Variants in WARS2 observed in about 807,000 individuals in gnomAD.
WARS2 encodes tryptophanyl tRNA synthetase 2, mitochondrial.
WARS2 carries 28 observed loss-of-function variants against 36.5 expected under a neutral mutation model. The ratio of observed to expected loss-of-function variants is 0.77; its 90% CI spans 0.57 to 1.05. WARS2 has a LOEUF of 1.05. Among genes scored for constraint, WARS2 ranks in the 50% least tolerant of loss-of-function variants. WARS2 has a pLI of 0.00. For synonymous variants in WARS2, 174 were observed against 178.4 expected, an observed-to-expected ratio of 0.98 and a Z score of 0.20; for missense variants, 435 against 456.8, an observed-to-expected ratio of 0.95 and a Z score of 0.44.
chr1:119,037,888 G>A (rs929831217), intron 4 of WARS2, among the ~76,000 whole-genome samples: 13 of 152,112 alleles, frequency 8.5e-5, no homozygotes, highest in African/African-American at 3.1e-4. Context: ...CATCATCATG[G>A]CCCATATTAG....
At chr1:119,088,645 C>T (rs991310686) in intron 1 of WARS2, among the ~76,000 whole-genome samples, 2 of 152,158 alleles carry the variant, frequency 1.3e-5, no homozygotes, top group Non-Finnish European at 2.9e-5. Context: ...ACGCTGTGGT[C>T]GTAGCCTCTA....
upstream of WARS2, chr1:119,140,672 G>T (rs763811903): frequency 6.2e-7 from 1 of 1,602,318 alleles, no homozygotes; most frequent in Non-Finnish European, 8.5e-7. Context: ...CGTCTTGTTT[G>T]GAATGACGTC....
chr1:119,109,059 C>T (rs587697476), intron 1 of WARS2, among the ~76,000 whole-genome samples: 19 of 152,030 alleles, frequency 1.2e-4, no homozygotes, highest in African/African-American at 4.3e-4. Context: ...TAGTTTAATT[C>T]CATATGGTCT....
rs74606321 is a variant in WARS2 at position 119,088,478 on chromosome 1, A to T, written c.91-11871T>A. Reference sequence around the variant, plus strand: ...CACACACACACACACAAATAAAAGGACTAAAAATGTGAAGAGTAAGTTCAC... The same window carrying T: ...CACACACACACACACAAATAAAAGGTCTAAAAATGTGAAGAGTAAGTTCAC... On this transcript the variant is annotated intron_variant, in intron 1 of 5. Coordinates refer to ENST00000235521, the MANE Select transcript of WARS2 (RefSeq NM_015836.4). Among the ~76,000 whole-genome samples, 370 of 152,060 alleles carry T rather than the reference A, an allele frequency of 2.4e-3. 2 individuals carry two copies. The highest frequency in any genetic ancestry group is 8.3e-3 in the African/African-American group (346 of 41,480).
At chr1:119,103,493 T>C (rs2101467697) in intron 1 of WARS2, among the ~76,000 whole-genome samples, 1 of 152,276 alleles carries the variant, frequency 6.6e-6, no homozygotes, top group South Asian at 2.1e-4. Flanking sequence ...AATTATCATA[T>C]GCCACTGACC....
chr1:119,038,813 TG>T (rs976570274), intron 4 of WARS2, among the ~76,000 whole-genome samples: 3 of 152,166 alleles, frequency 2.0e-5, no homozygotes, highest in Non-Finnish European at 4.4e-5. Flanking sequence ...CCCGAGTAGC[TG>T]GGACTACAGG....
rs1654606128 is a variant in WARS2, at chr1:119,111,183, G to C, written c.90+29372C>G. Among the ~76,000 whole-genome samples, 7 of 152,130 alleles carry C rather than the reference G, an allele frequency of 4.6e-5. No homozygotes were observed. In the South Asian group the frequency reaches 1.4e-3, roughly 32 times the overall value. On this transcript the variant is annotated intron_variant, in intron 1 of 5. Transcript: ENST00000235521. ...TTCAAATTGTGTTTTTTACTGGTTA[G>C]TATGTCTTGTAACTTTTTGTTCAAA...
Position 119,039,050 on chromosome 1 carries a change from A to G in WARS2, c.515+3214T>C, listed in dbSNP as rs188641852. Among the ~76,000 whole-genome samples, 388 of 152,290 alleles carry G rather than the reference A, an allele frequency of 2.5e-3. 2 individuals carry two copies. The highest frequency in any genetic ancestry group is 6.8e-3 in the Middle Eastern group (2 of 294). ...GAGAAAGATAATCTGATTAGCCCAG[A>G]TACTCACTTTCATCTCTATCTGAAT... is the stretch of plus-strand genomic sequence containing the variant. On this transcript the variant is annotated intron_variant, in intron 4 of 5. Coordinates refer to ENST00000235521, the MANE Select transcript of WARS2 (RefSeq NM_015836.4).
At chr1:119,075,741 G>C (rs1037897664) in intron 2 of WARS2, among the ~76,000 whole-genome samples, 1 of 152,186 alleles carries the variant, frequency 6.6e-6, no homozygotes, top group Non-Finnish European at 1.5e-5. Context: ...CAGACTATCG[G>C]CCTGTCCAAG....
At chr1:119,117,284 G>A (rs778822020) in intron 1 of WARS2, among the ~76,000 whole-genome samples, 4 of 152,148 alleles carry the variant, frequency 2.6e-5, no homozygotes, top group Non-Finnish European at 5.9e-5. Flanking sequence ...CCCCACCTAA[G>A]GAGAGTCTGA....
chr1:119,096,139 C>A (rs1388811754), intron 1 of WARS2, among the ~76,000 whole-genome samples: 1 of 152,108 alleles, frequency 6.6e-6, no homozygotes, highest in African/African-American at 2.4e-5. Context: ...CTTTCCTTTC[C>A]TGATTGCTTA....
chr1:119,063,907 C>CA (rs1244262970), intron 2 of WARS2: 6 of 152,230 alleles, frequency 3.9e-5, no homozygotes, highest in Non-Finnish European at 7.3e-5. Context: ...GGAGCCCCCA[C>CA]ACAGTGTACC....
chr1:119,107,887 A>G (rs977680844), intron 1 of WARS2, among the ~76,000 whole-genome samples: 1 of 151,998 alleles, frequency 6.6e-6, no homozygotes. Flanking sequence ...TTTATCATGA[A>G]TGAGTGTTGC....
chr1:119,052,982 A>G (rs1245226423), intron 2 of WARS2, among the ~76,000 whole-genome samples: 2 of 152,214 alleles, frequency 1.3e-5, no homozygotes, highest in African/African-American at 4.8e-5. Flanking sequence ...ATGCCCACTC[A>G]CTTTCCACTG....
chr1:119,121,677 A>G (rs1353408954), intron 1 of WARS2, among the ~76,000 whole-genome samples: 3 of 152,222 alleles, frequency 2.0e-5, no homozygotes, highest in Admixed American at 2.0e-4. Flanking sequence ...ACAGCACAGT[A>G]CTAGTATAAA....
At chr1:119,136,275 C>T (rs748347028) in intron 1 of WARS2, among the ~76,000 whole-genome samples, 2 of 152,180 alleles carry the variant, frequency 1.3e-5, no homozygotes, top group Non-Finnish European at 2.9e-5. Flanking sequence ...GGCTGCCGTA[C>T]TATCTGCTAG....
chr1:119,040,076 C>T (rs903228271), intron 4 of WARS2, among the ~76,000 whole-genome samples: 4 of 152,196 alleles, frequency 2.6e-5, no homozygotes, highest in African/African-American at 9.7e-5. Flanking sequence ...AAAAATCAAA[C>T]CTGAGTTTAA....
chr1:119,098,459 C>G (rs886209748), intron 1 of WARS2, among the ~76,000 whole-genome samples: 1 of 152,078 alleles, frequency 6.6e-6, no homozygotes, highest in African/African-American at 2.4e-5. Context: ...TCTTTTGAGA[C>G]AGAGTTTAGC....
At chr1:119,079,306 G>C (rs1652009369) in intron 1 of WARS2, among the ~76,000 whole-genome samples, 1 of 152,128 alleles carries the variant, frequency 6.6e-6, no homozygotes, top group African/African-American at 2.4e-5. Flanking sequence ...ACCTGCTAAA[G>C]TGAGGCTTTC....
Sources: allele counts gnomAD v4.1 joint callset (sites outside exome capture counted in the v4.1 genomes callset), GRCh38; gene constraint gnomAD v4.1.1; transcripts MANE v1.5; gene names NCBI Gene and HGNC (gene_info 2026-07-23, HGNC 2026-07-21).